Variants in HNRNPM observed in about 807,000 individuals in gnomAD.
HNRNPM encodes the protein CEA receptor.
In HNRNPM, 11 loss-of-function variants were observed where a neutral mutation model predicts 73.1. The ratio of observed to expected loss-of-function variants is 0.15; its 90% confidence interval spans 0.09 to 0.25. The LOEUF (loss-of-function observed/expected upper bound fraction) is 0.25. Among genes scored for constraint, HNRNPM ranks in the 10% least tolerant of loss-of-function variants. The pLI, the probability that HNRNPM is intolerant of heterozygous loss-of-function variation, is 1.00. For synonymous variants in HNRNPM, 407 were observed against 355.2 expected, an observed-to-expected ratio of 1.15 and a Z score of -1.64; for missense variants, 789 against 1,067.9, an observed-to-expected ratio of 0.74 and a Z score of 3.64.
rs778386706 is a variant in HNRNPM, at chr19:8,463,692, C to T, written c.438+6C>T. ...GACCACTGAAAGTCAAAGAAGTAAG[C>T]TCTTGCTTAACACTGCGGATACTGT... On this transcript the variant is annotated splice_donor_region_variant and intron_variant, in intron 5 of 15. Transcript: ENST00000325495. The T allele has an allele frequency of 6.3e-7, 1 of 1,586,816 alleles. No individual in the cohort carries two copies. Among genetic ancestry groups the T allele is most frequent in the Non-Finnish European group, 8.7e-7 (1 of 1,155,398 alleles).
Position 8,473,889 on chromosome 19 carries a change from G to C in HNRNPM, c.1042+181G>C, listed in dbSNP as rs566853728. On this transcript the variant is annotated intron_variant, in intron 11 of 15. Coordinates refer to ENST00000325495, the MANE Select transcript of HNRNPM (RefSeq NM_005968.5). Reference sequence around the variant, plus strand: ...GGTGTCTTGGCTTTTGGTTCTGGCTGTCTCACTAACTAGCTCTGTGACCTT... The same window carrying C: ...GGTGTCTTGGCTTTTGGTTCTGGCTCTCTCACTAACTAGCTCTGTGACCTT... Among the ~76,000 whole-genome samples, 9 of 152,060 alleles carry C rather than the reference G, an allele frequency of 5.9e-5. No homozygotes were observed. The East Asian group carries it at 1.7e-3, about 30-fold the overall frequency.
intron 2 of HNRNPM, among the ~76,000 whole-genome samples, chr19:8,459,272 G>C (rs1304108933): frequency 6.6e-6 from 1 of 152,172 alleles, no homozygotes; most frequent in Non-Finnish European, 1.5e-5. Context: ...GAATACTTAG[G>C]TTGAGCCCCA....
In HNRNPM at chr19:8,463,625, A is replaced by G. The variant is rs766512842; in HGVS notation, c.377A>G (p.Lys126Arg). 195 of 1,614,034 alleles carry G rather than the reference A, an allele frequency of 1.2e-4. No homozygotes were observed. Among genetic ancestry groups the G allele is most frequent in the Admixed American group, 8.3e-4 (50 of 60,006 alleles). Residue 126 changes from lysine to arginine, a missense_variant, in exon 5 of 16, where the codon AAA becomes AGA. Lys to Arg is a conservative substitution (Grantham distance 26, BLOSUM62 2). Transcript: ENST00000325495. ...VVEFKMEESM[K>R]KAAEVLNKHS... ...GAATTCAAGATGGAAGAGAGCATGA[A>G]AAAAGCTGCGGAAGTCCTAAACAAG...
intron 12 of HNRNPM, 56 bp downstream of exon 12, chr19:8,474,300 C>A: frequency 7.5e-7 from 1 of 1,330,692 alleles, no homozygotes; most frequent in Non-Finnish European, 1.0e-6. Flanking sequence ...TGTTGCCTCT[C>A]AGGTGACTTT....
In HNRNPM at chr19:8,474,155, C is replaced by A. The variant is rs1970345323; in HGVS notation, c.1043-12C>A. Reference sequence around the variant, plus strand: ...TTGTTGGATGATGCTGAAATGTGAACCTCTCTTGCAGGAATGGAGGGGCCC... The same window carrying A: ...TTGTTGGATGATGCTGAAATGTGAAACTCTCTTGCAGGAATGGAGGGGCCC... On this transcript the variant is annotated splice_polypyrimidine_tract_variant and intron_variant, in intron 11 of 15. Coordinates refer to ENST00000325495, the MANE Select transcript of HNRNPM (RefSeq NM_005968.5). 2 of 1,571,832 alleles carry A rather than the reference C, an allele frequency of 1.3e-6. No homozygotes were observed. The highest frequency in any genetic ancestry group is 8.6e-7 in the Non-Finnish European group (1 of 1,161,182).
At position 8,466,299 on chromosome 19, in the gene HNRNPM, G is replaced by A; in HGVS notation, c.695G>A (p.Arg232Gln). 2 of 1,614,060 alleles carry A rather than the reference G, an allele frequency of 1.2e-6. No homozygotes were observed. Among genetic ancestry groups the A allele is most frequent in the East Asian group, 2.2e-5 (1 of 44,882 alleles). The stretch of plus-strand genomic sequence containing the variant: ...TTTAGTATGGCTGGTGTGGTGGTCC[G>A]AGCAGACATTCTTGAAGATAAAGAT... ...EVFSMAGVVVRADILEDKDGK... is the reference protein window; with the variant it reads ...EVFSMAGVVVQADILEDKDGK... Residue 232 changes from arginine (R) to glutamine (Q), a missense_variant, in exon 7 of 16, where the codon CGA becomes CAA. Transcript: ENST00000325495.
chr19:8,480,687 TCTTTA>T (rs1235234527), intron 12 of HNRNPM, among the ~76,000 whole-genome samples: 1 of 151,128 alleles, frequency 6.6e-6, no homozygotes, highest in African/African-American at 2.4e-5. Context: ...AAAAAAGGCA[TCTTTA>T]CTTCTGTAGG....
chr19:8,478,258 A>G (rs1970655867), intron 12 of HNRNPM, among the ~76,000 whole-genome samples: 1 of 152,184 alleles, frequency 6.6e-6, no homozygotes, highest in South Asian at 2.1e-4. Context: ...GGAATGAAGA[A>G]TGAATAATGG....
rs35193948 is a variant in HNRNPM, at chr19:8,477,660, C to CAAAA, written c.1120+3446_1120+3449dup. Among the ~76,000 whole-genome samples the CAAAA allele has an allele frequency of 1.1e-3, 128 of 117,062 alleles. 2 individuals are homozygous for CAAAA. The highest frequency in any genetic ancestry group is 4.5e-3 in the African/African-American group (121 of 26,962). 76.8% of individuals were successfully genotyped at this position (117,062 alleles called of 152,430 possible). On this transcript the variant is annotated intron_variant, in intron 12 of 15. Coordinates refer to ENST00000325495, the MANE Select transcript of HNRNPM (RefSeq NM_005968.5). Reference sequence around the variant, plus strand: ...GGGTTGACAGAGTGAAACCCTGTCTCAAAAAAAAAAAAAAAAAAAAAAAAA... The same window carrying CAAAA: ...GGGTTGACAGAGTGAAACCCTGTCTCAAAAAAAAAAAAAAAAAAAAAAAAAAAAA...
chr19:8,450,491 A>G (rs11259983), intron 1 of HNRNPM, among the ~76,000 whole-genome samples: 1 of 151,388 alleles, frequency 6.6e-6, no homozygotes, highest in Non-Finnish European at 1.5e-5. Context: ...ACTCACTGCA[A>G]CTCCAGCTCC....
chr19:8,484,239 C>T (rs1368149446), intron 13 of HNRNPM, among the ~76,000 whole-genome samples: 25 of 149,854 alleles, frequency 1.7e-4, no homozygotes, highest in Admixed American at 1.5e-3. Context: ...TGCAGTGGCA[C>T]GATCTCGGCT....
At chr19:8,453,376 A>G (rs56404494) in intron 1 of HNRNPM, among the ~76,000 whole-genome samples, 6,046 of 150,836 alleles carry the variant, frequency 0.04, 156 homozygotes, top group Middle Eastern at 0.085. Context: ...CCTGACCTCA[A>G]GTGATACACC....
In HNRNPM at chr19:8,488,671, T is replaced by C. The variant is rs774118709; in HGVS notation, c.2030-20T>C. ...CAAAATCGGGACTGAGTGTCGTCTC[T>C]TCTTCCCTCCCTGTCCTAGGCCACG... On this transcript the variant is annotated intron_variant, in intron 15 of 15. Transcript: ENST00000325495. The C allele has an allele frequency of 4.4e-6, 7 of 1,601,208 alleles. No homozygotes were observed. Among genetic ancestry groups the C allele is most frequent in the Non-Finnish European group, 6.0e-6 (7 of 1,172,036 alleles).
intron 8 of HNRNPM, among the ~76,000 whole-genome samples, chr19:8,467,884 C>T (rs1467926688): frequency 2.0e-5 from 3 of 151,996 alleles, no homozygotes; most frequent in African/African-American, 7.3e-5. Context: ...AAAAATTAGC[C>T]GGGCGTGGTG....
chr19:8,466,180 TTG>T, intron 6 of HNRNPM, 53 bp from the exon 7 acceptor site: 1 of 1,519,010 alleles, frequency 6.6e-7, no homozygotes, highest in Non-Finnish European at 9.0e-7. Context: ...AGTAAAAATG[TTG>T]TGTTTCTTAA....
At chr19:8,487,208 C>A in intron 15 of HNRNPM, 133 bp downstream of exon 15, 1 of 774,476 alleles carries the variant, frequency 1.3e-6, no homozygotes. Context: ...TCTGCCCACG[C>A]CAATGCTCAG....
At chr19:8,471,563 C>T (rs1336735781) in intron 10 of HNRNPM, 136 bp downstream of exon 10, 16 of 452,942 alleles carry the variant, frequency 3.5e-5, no homozygotes, top group Middle Eastern at 4.1e-4. Context: ...TCATCTCTGC[C>T]TCATTTTGAA....
chr19:8,462,374 A>G lies in HNRNPM; in HGVS notation c.284-155A>G. On this transcript the variant is annotated intron_variant, in intron 2 of 15. Coordinates refer to ENST00000325495, the MANE Select transcript of HNRNPM (RefSeq NM_005968.5). This position sits in a 1 kb window ranked among gnomAD's most constrained non-coding sequence, Gnocchi z 4.5. ...CACCTACTTTTACTGCACACCTGTA[A>G]TGCCTAGTTCGGTGGTTTAGAGAAT... The G allele has an allele frequency of 1.5e-6, 1 of 678,828 alleles. No homozygotes were observed. The highest frequency in any genetic ancestry group is 2.7e-6 in the Non-Finnish European group (1 of 371,880). The allele number at this position is 678,828 out of a possible 1,614,324, so 42.1% of individuals were successfully genotyped here. A position where few individuals can be genotyped will look rare whatever the true frequency, so the allele number is the denominator to read the frequency against.
chr19:8,483,657 A>T (rs77520511), intron 13 of HNRNPM, among the ~76,000 whole-genome samples: 1 of 152,254 alleles, frequency 6.6e-6, no homozygotes, highest in South Asian at 2.1e-4. Flanking sequence ...CATTAGGAAA[A>T]TATGAAGAAA....
Sources: gnomAD v4.1 joint callset for allele counts (sites outside exome capture counted in the v4.1 genomes callset) on GRCh38, gnomAD v4.1.1 for gene constraint, Gnocchi (gnomAD v3.1) non-coding constraint, MANE v1.5 for transcripts, NCBI Gene and HGNC (gene_info 2026-07-23, HGNC 2026-07-21) for gene names.